TET2: variants seen among roughly 807,000 people sequenced by gnomAD.
The protein encoded by TET2 is tet methylcytosine dioxygenase 2.
A neutral mutation model predicts 142.9 loss-of-function variants in TET2; 299 were observed. That is an observed-to-expected ratio of 2.09 (90% CI 1.90 to 2.30). The LOEUF is 2.30. Ranked by LOEUF, TET2 falls within the 30% of genes most tolerant of loss-of-function variation. The probability of loss-of-function intolerance (pLI) is 0.00; values close to 1 mark genes in which losing one functional copy is unlikely to be tolerated. For synonymous variants in TET2, 819 were observed against 849.0 expected (o/e 0.96, Z 0.61); for missense variants, 2,418 against 2,378.0 (o/e 1.02, Z -0.35).
chr4:105,184,068 C>T (rs902051444), intron 1 of TET2, among the ~76,000 whole-genome samples: 2 of 152,096 alleles, frequency 1.3e-5, no homozygotes, highest in African/African-American at 4.8e-5. Flanking sequence ...AGTCTCTGAC[C>T]AGTGAGGTCA....
intron 8 of TET2, among the ~76,000 whole-genome samples, chr4:105,263,385 T>A (rs992589522): frequency 6.6e-6 from 1 of 152,152 alleles, no homozygotes; most frequent in African/African-American, 2.4e-5. Flanking sequence ...ATTGCAATCA[T>A]TGGGCAAGAG....
At position 105,242,849 on chromosome 4, in the gene TET2, T is replaced by TA; in HGVS notation, c.3519dup (p.Ala1174SerfsTer3). On this transcript the variant is annotated frameshift_variant, in exon 5 of 11. Coordinates refer to ENST00000380013, the MANE Select transcript of TET2 (RefSeq NM_001127208.3). LOFTEE classifies it high-confidence loss of function. Reference sequence around the variant, plus strand: ...TTTCTTTAAGGTTTGGACAGAAGGGTAAAGCTATTAGGATTGAAAGAGTCA... The same window carrying TA: ...TTTCTTTAAGGTTTGGACAGAAGGGTAAAAGCTATTAGGATTGAAAGAGTCA... The TA allele has an allele frequency of 6.4e-7, 1 of 1,551,236 alleles. No homozygotes were observed. The highest frequency in any genetic ancestry group is 8.7e-7 in the Non-Finnish European group (1 of 1,146,800).
At chr4:105,263,396 A>AT (rs1177399358) in intron 8 of TET2, among the ~76,000 whole-genome samples, 4 of 152,214 alleles carry the variant, frequency 2.6e-5, no homozygotes, top group African/African-American at 4.8e-5. Flanking sequence ...TGGGCAAGAG[A>AT]TTTTAAGGAC....
intron 1 of TET2, among the ~76,000 whole-genome samples, chr4:105,174,987 C>T (rs958438945): frequency 3.9e-5 from 6 of 152,128 alleles, no homozygotes; most frequent in South Asian, 2.1e-4. Context: ...ATCCTGTCCA[C>T]GTTAGGGGGC....
intron 10 of TET2, among the ~76,000 whole-genome samples, chr4:105,273,138 A>G (rs1444902711): frequency 6.6e-6 from 1 of 152,136 alleles, no homozygotes; most frequent in African/African-American, 2.4e-5. Flanking sequence ...ACCCCTACCA[A>G]TAGGCGCCAG....
Position 105,236,468 on chromosome 4 carries a change from A to G in TET2, c.2526A>G (p.Ser842=), listed in dbSNP as rs201849292. 1.4e-5 allele frequency: 22 copies of G among 1,614,120 alleles called. No individual in the cohort carries two copies. The Admixed American group carries it at 3.7e-4, about 27-fold the overall frequency. The change falls in exon 3 of 11, where the codon TCA becomes TCG. Residue 842 remains serine, a synonymous_variant. Transcript: ENST00000380013. ...VSCSNNTHLV[S]ENKEQTTHPE... is the part of the protein sequence containing the mutation. The stretch of plus-strand genomic sequence containing the variant: ...GTTCAAACAATACACACCTAGTTTC[A>G]GAGAATAAAGAACAGACTACACATC...
In TET2 at chr4:105,272,792, G is replaced by A. The variant is rs2110306945; in HGVS notation, c.4411G>A (p.Ala1471Thr). 1.3e-6 allele frequency: 2 copies of A among 1,551,652 alleles called. No individual in the cohort carries two copies. The highest frequency in any genetic ancestry group is 8.7e-7 in the Non-Finnish European group (1 of 1,146,972). ...VKTCRQRKLE[A>T]KKAAAEKLSS... ...GACTTGCCGACAAAGGAAACTAGAA[G>A]CCAAGAAAGCTGCAGCTGAAAAGCT... The change falls in exon 10 of 11, where the codon GCC becomes ACC. Residue 1471 changes from alanine to threonine, a missense_variant. Ala to Thr is a moderately conservative substitution (Grantham distance 58, BLOSUM62 0). Transcript: ENST00000380013.
chr4:105,196,136 A>G (rs1318291560), intron 2 of TET2, among the ~76,000 whole-genome samples: 2 of 149,824 alleles, frequency 1.3e-5, no homozygotes, highest in African/African-American at 2.5e-5. Flanking sequence ...TCCATAAATT[A>G]TTTCCTAATT....
intron 1 of TET2, among the ~76,000 whole-genome samples, chr4:105,182,447 C>T (rs1725174634): frequency 6.6e-6 from 1 of 152,160 alleles, no homozygotes; most frequent in Admixed American, 6.6e-5. Flanking sequence ...ATTATCACTC[C>T]TGTGTGGTAA....
intron 2 of TET2, among the ~76,000 whole-genome samples, chr4:105,230,127 C>T (rs1342535310): frequency 6.6e-6 from 1 of 152,008 alleles, no homozygotes; most frequent in Admixed American, 6.6e-5. Context: ...CTGCAGTGTC[C>T]ACCTCCTGGG....
At chr4:105,217,227 T>G (rs1228810948) in intron 2 of TET2, among the ~76,000 whole-genome samples, 1 of 152,074 alleles carries the variant, frequency 6.6e-6, no homozygotes, top group Non-Finnish European at 1.5e-5. Context: ...ATTTTGTATT[T>G]GGGCAAAGTA....
rs1728751290 is a variant in TET2, at chr4:105,234,959, C to T, written c.1017C>T (p.Asn339=). The T allele has an allele frequency of 1.9e-6, 3 of 1,613,902 alleles. No individual in the cohort carries two copies. The highest frequency in any genetic ancestry group is 1.6e-4 in the Middle Eastern group (1 of 6,062). ...FEICPSPAEN[N]IQGTTKLASG... is the part of the protein sequence containing the mutation. ...TATGCCCATCTCCTGCAGAAAATAACATCCAGGGAACCACAAAGCTAGCGT... is the reference window on the plus strand; with the variant it reads ...TATGCCCATCTCCTGCAGAAAATAATATCCAGGGAACCACAAAGCTAGCGT... The change falls in exon 3 of 11, where the codon AAC becomes AAT. Residue 339 remains asparagine (N), a synonymous_variant. Coordinates refer to ENST00000380013, the MANE Select transcript of TET2 (RefSeq NM_001127208.3).
chr4:105,269,781 G>A (rs1730863671), intron 9 of TET2, 34 bp downstream of exon 9: 1 of 1,549,554 alleles, frequency 6.5e-7, no homozygotes, highest in Non-Finnish European at 8.7e-7. Context: ...AGCAGCTGTT[G>A]AGTCTGTTCT....
At position 105,240,465 on chromosome 4, in the gene TET2, A is replaced by G. The variant is rs140898417; in HGVS notation, c.3410-874A>G. 1,581 of 1,076,712 alleles carry G rather than the reference A, an allele frequency of 1.5e-3. 3 individuals carry two copies. Among genetic ancestry groups the G allele is most frequent in the Non-Finnish European group, 1.7e-3 (1,506 of 877,274 alleles). 66.7% of individuals were successfully genotyped at this position (1,076,712 alleles called of 1,614,324 possible). On this transcript the variant is annotated intron_variant, in intron 3 of 10. Transcript: ENST00000380013. Reference sequence around the variant, plus strand: ...ATAGCTATGCAGCATAGATTTAGTCAAAGACATTTGAAAAGACAAATGTTA... The same window carrying G: ...ATAGCTATGCAGCATAGATTTAGTCGAAGACATTTGAAAAGACAAATGTTA...
At chr4:105,233,112 G>A (rs376367553) in intron 2 of TET2, among the ~76,000 whole-genome samples, 16 of 151,934 alleles carry the variant, frequency 1.1e-4, no homozygotes, top group African/African-American at 3.6e-4. Flanking sequence ...GGTGGGGTGC[G>A]GTGGCTCACA....
Position 105,276,948 on chromosome 4 carries a change from G to C in TET2, c.*429G>C, listed in dbSNP as rs1731257004. On this transcript the variant is annotated 3_prime_UTR_variant, in exon 11 of 11. Transcript: ENST00000380013. ...AAGTACTGTAGTATTACAGTGACAG[G>C]AATCTTAAAATACCATCTGGTGCTG... is the stretch of plus-strand genomic sequence containing the variant. 1 of 235,810 alleles carries C rather than the reference G, an allele frequency of 4.2e-6. No homozygotes were observed. The highest frequency in any genetic ancestry group is 2.2e-5 in the African/African-American group (1 of 44,722). The allele number at this position is 235,810 out of a possible 1,614,324, so 14.6% of individuals were successfully genotyped here.
Position 105,278,480 on chromosome 4 carries a change from A to G in TET2, c.*1961A>G, listed in dbSNP as rs1731322326. On this transcript the variant is annotated 3_prime_UTR_variant, in exon 11 of 11. Coordinates refer to ENST00000380013, the MANE Select transcript of TET2 (RefSeq NM_001127208.3). The stretch of plus-strand genomic sequence containing the variant: ...ACTTGAACTTCAACCTTTTTGTTCT[A>G]AAAATTCAGGGATATTTCAGCTCAT... 4.4e-6 allele frequency: 1 copy of G among 226,716 alleles called. No homozygotes were observed. The highest frequency in any genetic ancestry group is 8.7e-6 in the Non-Finnish European group (1 of 114,294). The allele number at this position is 226,716 out of a possible 1,614,324, so 14.0% of individuals were successfully genotyped here.
At chr4:105,217,064 C>T (rs1727537181) in intron 2 of TET2, among the ~76,000 whole-genome samples, 1 of 151,494 alleles carries the variant, frequency 6.6e-6, no homozygotes, top group Admixed American at 6.6e-5. Flanking sequence ...TGTTCTTGCC[C>T]CTCCCTGCAT....
chr4:105,223,216 A>G (rs1349148602), intron 2 of TET2, among the ~76,000 whole-genome samples: 1 of 152,164 alleles, frequency 6.6e-6, no homozygotes. Context: ...TGCCTTAAAA[A>G]TATTAATTCA....
Sources: gnomAD v4.1 joint callset for allele counts (sites outside exome capture counted in the v4.1 genomes callset) on GRCh38, gnomAD v4.1.1 for gene constraint, MANE v1.5 for transcripts, NCBI Gene and HGNC (gene_info 2026-07-23, HGNC 2026-07-21) for gene names.